The following BLVRB variants were observed in gnomAD, a reference collection of about 807,000 sequenced individuals.
BLVRB encodes the protein flavin reductase (NADPH).
Under a neutral mutation model 21.1 loss-of-function variants are expected in BLVRB, and 25 were observed. The observed-to-expected ratio is 1.19, with a 90% CI of 0.86 to 1.66. BLVRB has a LOEUF of 1.66. Among genes scored for constraint, BLVRB ranks in the 40% most tolerant of loss-of-function variants. BLVRB has a pLI of 0.00. For synonymous variants in BLVRB, 128 were observed against 122.2 expected (o/e 1.05, Z -0.31); for missense variants, 274 against 282.7 (o/e 0.97, Z 0.22).
intron 3 of BLVRB, among the ~76,000 whole-genome samples, chr19:40,453,048 G>A (rs1253886757): frequency 6.6e-6 from 1 of 152,154 alleles, no homozygotes; most frequent in African/African-American, 2.4e-5. Flanking sequence ...GGGTGACAGA[G>A]CAAGACTCCG....
chr19:40,465,734 C>A lies in BLVRB; in HGVS notation c.-46G>T. 1 of 1,592,976 alleles carries A rather than the reference C, an allele frequency of 6.3e-7. No individual in the cohort carries two copies. On this transcript the variant is annotated 5_prime_UTR_variant, in exon 1 of 5. Coordinates refer to ENST00000263368, the MANE Select transcript of BLVRB (RefSeq NM_000713.3). Reference sequence around the variant, plus strand: ...CAAGGCCTCAGAGTCTCGGCACGCGCGGGAACCCACTGGCTGCTGGGCGGT... The same window carrying A: ...CAAGGCCTCAGAGTCTCGGCACGCGAGGGAACCCACTGGCTGCTGGGCGGT...
intron 3 of BLVRB, among the ~76,000 whole-genome samples, chr19:40,457,328 G>A (rs1291002764): frequency 2.0e-5 from 3 of 152,158 alleles, no homozygotes; most frequent in Non-Finnish European, 4.4e-5. Context: ...TCTGCCTGGA[G>A]TGTAATTACA....
At chr19:40,465,567 G>C in intron 1 of BLVRB, 43 bp downstream of exon 1, 1 of 1,579,770 alleles carries the variant, frequency 6.3e-7, no homozygotes. Context: ...CTAAAGTTCT[G>C]CCCGTCTGTC....
In BLVRB at chr19:40,465,234, T is replaced by C. The variant is rs1268034890; in HGVS notation, c.79+376A>G. Among the ~76,000 whole-genome samples, 5 of 152,196 alleles carry C rather than the reference T, an allele frequency of 3.3e-5. No individual in the cohort carries two copies. The East Asian group carries it at 7.7e-4, about 23-fold the overall frequency. ...GGTGATACTAGTTCCCACCCCATTT[T>C]GAAAGCTCTCATGTGAAGAGACGAC... On this transcript the variant is annotated intron_variant, in intron 1 of 4. Coordinates refer to ENST00000263368, the MANE Select transcript of BLVRB (RefSeq NM_000713.3).
chr19:40,454,891 G>T (rs2079756242), intron 3 of BLVRB, among the ~76,000 whole-genome samples: 1 of 152,078 alleles, frequency 6.6e-6, no homozygotes, highest in Non-Finnish European at 1.5e-5. Context: ...GCCAAGGCTG[G>T]AGTGCAGTGG....
At position 40,457,892 on chromosome 19, in the gene BLVRB, G is replaced by A. The variant is rs57796734; in HGVS notation, c.334+263C>T. 3 of 479,518 alleles carry A rather than the reference G, an allele frequency of 6.3e-6. No homozygotes were observed. The Admixed American group carries it at 9.9e-5, about 16-fold the overall frequency. The allele number at this position is 479,518 out of a possible 1,614,324, so 29.7% of individuals were successfully genotyped here. On this transcript the variant is annotated intron_variant, in intron 3 of 4. Coordinates refer to ENST00000263368, the MANE Select transcript of BLVRB (RefSeq NM_000713.3). Reference sequence around the variant, plus strand: ...GCCCTATCCCCTCTGCCTGCCTCCCGATCCCAGCTCCGATGATCTGGATGT... The same window carrying A: ...GCCCTATCCCCTCTGCCTGCCTCCCAATCCCAGCTCCGATGATCTGGATGT...
chr19:40,451,295 A>C (rs2079738445), intron 4 of BLVRB, 69 bp downstream of exon 4: 1 of 1,558,906 alleles, frequency 6.4e-7, no homozygotes, highest in Admixed American at 2.0e-5. Context: ...AAGGCCTTGC[A>C]GATCTCCCCA....
intron 4 of BLVRB, 126 bp from the exon 5 acceptor site, chr19:40,448,172 G>T: frequency 1.0e-6 from 1 of 982,146 alleles, no homozygotes; most frequent in South Asian, 1.7e-5. Flanking sequence ...TCACAGCCAA[G>T]AATGGACTTT....
chr19:40,460,650 A>G (rs932080328), intron 1 of BLVRB, among the ~76,000 whole-genome samples: 5 of 148,102 alleles, frequency 3.4e-5, no homozygotes, highest in African/African-American at 1.3e-4. Flanking sequence ...ATTAACAAAA[A>G]GTTTAGGCTA....
Position 40,458,389 on chromosome 19 carries a change from T to C in BLVRB, c.236A>G (p.Asn79Ser). 6.3e-7 allele frequency: 1 copy of C among 1,587,130 alleles called. No homozygotes were observed. The highest frequency in any genetic ancestry group is 1.1e-5 in the South Asian group (1 of 87,098). ...GAGGGGGGGCTCAGTACTGAGGTCA[T>C]TGCGGGTGCCCAGCAGCACGATGAC... ...DAVIVLLGTR[N>S]DLSPTTVMSE... The change falls in exon 2 of 5, where the codon AAT (asparagine) becomes AGT (serine). Residue 79 changes from asparagine to serine, a missense_variant. Coordinates refer to ENST00000263368, the MANE Select transcript of BLVRB (RefSeq NM_000713.3).
chr19:40,463,988 C>T (rs1029671159), intron 1 of BLVRB, among the ~76,000 whole-genome samples: 179 of 152,108 alleles, frequency 1.2e-3, no homozygotes, highest in African/African-American at 4.2e-3. Context: ...AGGCTGGTCT[C>T]GAACTCCTGA....
At chr19:40,463,967 C>G (rs1032967438) in intron 1 of BLVRB, among the ~76,000 whole-genome samples, 3 of 152,066 alleles carry the variant, frequency 2.0e-5, no homozygotes, top group Admixed American at 2.0e-4. Flanking sequence ...CGGGGTTTCA[C>G]TATATTGGCC....
chr19:40,462,492 G>C (rs529648258), intron 1 of BLVRB, among the ~76,000 whole-genome samples: 21 of 150,880 alleles, frequency 1.4e-4, no homozygotes, highest in Non-Finnish European at 2.8e-4. Context: ...GTTAGCCAGG[G>C]TGGTCTCGAT....
At chr19:40,460,114 T>C (rs1293447946) in intron 1 of BLVRB, among the ~76,000 whole-genome samples, 1 of 151,862 alleles carries the variant, frequency 6.6e-6, no homozygotes, top group Non-Finnish European at 1.5e-5. Flanking sequence ...CCCAAAATAA[T>C]TTTGGATAAT....
rs183589292 is a variant in BLVRB at position 40,451,765 on chromosome 19, T to C, written c.335-273A>G. On this transcript the variant is annotated intron_variant, in intron 3 of 4. Coordinates refer to ENST00000263368, the MANE Select transcript of BLVRB (RefSeq NM_000713.3). Reference sequence around the variant, plus strand: ...CCAGGCTGGTCTCAAACTCCTGACCTCAGGTGATCCACCCTCCTCCACCTC... The same window carrying C: ...CCAGGCTGGTCTCAAACTCCTGACCCCAGGTGATCCACCCTCCTCCACCTC... Among the ~76,000 whole-genome samples, 260 of 152,168 alleles carry C rather than the reference T, an allele frequency of 1.7e-3. 2 individuals are homozygous for C. Among genetic ancestry groups the C allele is most frequent in the African/African-American group, 5.1e-3 (213 of 41,510 alleles).
Position 40,458,560 on chromosome 19 carries a change from G to C in BLVRB, c.80-15C>G. 1 of 1,583,194 alleles carries C rather than the reference G, an allele frequency of 6.3e-7. No homozygotes were observed. Among genetic ancestry groups the C allele is most frequent in the South Asian group, 1.2e-5 (1 of 86,630 alleles). On this transcript the variant is annotated splice_polypyrimidine_tract_variant and intron_variant, in intron 1 of 4. Coordinates refer to ENST00000263368, the MANE Select transcript of BLVRB (RefSeq NM_000713.3). Reference sequence around the variant, plus strand: ...CACTTCGTAACCTGTGGGCAAAGAGGAGCAGAGAGCCTGGTCAGTGGGCTG... The same window carrying C: ...CACTTCGTAACCTGTGGGCAAAGAGCAGCAGAGAGCCTGGTCAGTGGGCTG...
intron 3 of BLVRB, among the ~76,000 whole-genome samples, chr19:40,452,314 T>C (rs1294810369): frequency 1.3e-5 from 2 of 152,248 alleles, no homozygotes; most frequent in East Asian, 3.9e-4. Context: ...CATTTCCCTC[T>C]CTTTTTTATT....
chr19:40,452,204 G>T (rs1002198620), intron 3 of BLVRB, among the ~76,000 whole-genome samples: 2 of 152,124 alleles, frequency 1.3e-5, no homozygotes, highest in Non-Finnish European at 2.9e-5. Flanking sequence ...GCCCTCTGAC[G>T]TCCTTGCCTA....
At position 40,465,612 on chromosome 19, in the gene BLVRB, G is replaced by C; in HGVS notation, c.77C>G (p.Ala26Gly). The change falls in exon 1 of 5, where the codon GCA (alanine) becomes GGA (glycine). Residue 26 changes from alanine to glycine, a missense_variant and splice_region_variant. Transcript: ENST00000263368. ...GCCCCGCCCGCCCCGGCTCATGCCT[G>C]CTTGCACCGCCTGCGCCAGGGTGGT... is the stretch of plus-strand genomic sequence containing the variant. ...GLTTLAQAVQ[A>G]GYEVTVLVRD... 6.2e-7 allele frequency: 1 copy of C among 1,611,612 alleles called. No homozygotes were observed.
Sources: gnomAD v4.1 joint callset for allele counts (sites outside exome capture counted in the v4.1 genomes callset) on GRCh38, gnomAD v4.1.1 for gene constraint, MANE v1.5 for transcripts, NCBI Gene and HGNC (gene_info 2026-07-23, HGNC 2026-07-21) for gene names.